LARP1: variants seen among roughly 807,000 people sequenced by gnomAD.
LARP1 encodes the protein la-related protein 1.
LARP1 carries 36 observed loss-of-function variants against 122.7 expected under a neutral mutation model. The observed-to-expected ratio is 0.29, with a 90% CI of 0.22 to 0.39. LARP1 has a LOEUF of 0.39. Ranked by LOEUF, LARP1 falls within the 10% of genes least tolerant of loss-of-function variation. The pLI is 1.00. For synonymous variants in LARP1, 539 were observed against 528.7 expected, an observed-to-expected ratio of 1.02 and a Z score of -0.27; for missense variants, 1,040 against 1,403.6, an observed-to-expected ratio of 0.74 and a Z score of 4.14.
chr5:154,790,705 G>C lies in LARP1; in HGVS notation c.559G>C (p.Val187Leu), dbSNP rs1266979758. 2.5e-6 allele frequency: 4 copies of C among 1,614,166 alleles called. No individual in the cohort carries two copies. In the South Asian group the frequency reaches 4.4e-5, roughly 18 times the overall value. Residue 187 changes from valine to leucine, a missense_variant, in exon 3 of 19, where the codon GTT becomes CTT. Around this residue, in one of 8 missense-constraint regions of LARP1, gnomAD observed 257 missense variants for 273.3 expected, o/e 0.94. Transcript: ENST00000518297. The stretch of plus-strand genomic sequence containing the variant: ...ACCTGGAGAGATAGCCCACAAGAGT[G>C]TTCAGGTGAGTCTGTGTGGAAGAAT... Reference protein sequence around the residue: ...PTPGEIAHKSVQPQSHKPQPT... With the variant: ...PTPGEIAHKSLQPQSHKPQPT...
At chr5:154,767,461 A>G (rs1755044338) in intron 1 of LARP1, among the ~76,000 whole-genome samples, 1 of 152,162 alleles carries the variant, frequency 6.6e-6, no homozygotes, top group Non-Finnish European at 1.5e-5. Context: ...ACAGGAAGGT[A>G]GCCTACGTGA....
In LARP1 at chr5:154,768,917, C is replaced by G. The variant is rs148987450; in HGVS notation, c.436+12724C>G. Among the ~76,000 whole-genome samples the G allele has an allele frequency of 3.3e-3, 499 of 152,326 alleles. 4 individuals carry two copies. The highest frequency in any genetic ancestry group is 2.5e-3 in the Non-Finnish European group (172 of 68,034). On this transcript the variant is annotated intron_variant, in intron 1 of 18. Transcript: ENST00000518297. ...TATTTTTTTGCGTGATCTCAGCTCA[C>G]TGCAACCTCCGCCTGCTGAGTTCAA...
At chr5:154,780,999 G>A (rs776279102) in intron 1 of LARP1, among the ~76,000 whole-genome samples, 6 of 151,988 alleles carry the variant, frequency 3.9e-5, no homozygotes, top group Non-Finnish European at 8.8e-5. Flanking sequence ...GGAGGTGGAG[G>A]TGGCAGTGAG....
chr5:154,710,199 G>A (rs1222249259), upstream of LARP1, among the ~76,000 whole-genome samples: 1 of 152,162 alleles, frequency 6.6e-6, no homozygotes, highest in Non-Finnish European at 1.5e-5. Context: ...CCAGTCCATG[G>A]CCTGCGAGTT....
chr5:154,732,254 A>G (rs1276830410), intron 1 of LARP1, among the ~76,000 whole-genome samples: 3 of 152,152 alleles, frequency 2.0e-5, no homozygotes, highest in Non-Finnish European at 4.4e-5. Flanking sequence ...TATAGTCTGA[A>G]CAGAGCAAAG....
chr5:154,684,448 A>G (rs1753831811), intron 1 of LARP1, among the ~76,000 whole-genome samples: 1 of 152,084 alleles, frequency 6.6e-6, no homozygotes, highest in South Asian at 2.1e-4. Flanking sequence ...ACACACACAA[A>G]AAAATTGTAG....
At chr5:154,811,426 T>A in intron 17 of LARP1, 70 bp downstream of exon 17, 1 of 1,609,686 alleles carries the variant, frequency 6.2e-7, no homozygotes, top group East Asian at 2.2e-5. Flanking sequence ...TGGACCTGGG[T>A]CTTTCTGTGT....
rs747528919 is a variant in LARP1, at chr5:154,802,000, A to G, written c.1717-7A>G. ...ATTCCTTTTCCCCTTCGTCTGTCCT[A>G]TTTTAGAAGTCAGAGGAGTCCAGAT... On this transcript the variant is annotated splice_polypyrimidine_tract_variant and splice_region_variant and intron_variant, in intron 10 of 18. Coordinates refer to ENST00000518297, the MANE Select transcript of LARP1 (RefSeq NM_033551.3). 4.4e-6 allele frequency: 7 copies of G among 1,603,826 alleles called. No individual in the cohort carries two copies. In the South Asian group the frequency reaches 7.8e-5, roughly 18 times the overall value.
Position 154,716,223 on chromosome 5 carries a change from G to T in LARP1, c.205+3093G>T, listed in dbSNP as rs921762370. Among the ~76,000 whole-genome samples the T allele has an allele frequency of 2.0e-5, 3 of 152,134 alleles. No homozygotes were observed. In the East Asian group the frequency reaches 5.8e-4, roughly 29 times the overall value. ...CACCCTCTGCCTCCCGGGCTCAAGC[G>T]ATTCTTGTGCCTTAACATCTGTAGC... On this transcript the variant is annotated intron_variant, in intron 1 of 18. Transcript: ENST00000336314.
chr5:154,799,575 TTCTCC>T lies in LARP1; in HGVS notation c.1378-13_1378-9del. 1 of 1,612,716 alleles carries T rather than the reference TTCTCC, an allele frequency of 6.2e-7. No homozygotes were observed. Among genetic ancestry groups the T allele is most frequent in the Non-Finnish European group, 8.5e-7 (1 of 1,178,820 alleles). Reference sequence around the variant, plus strand: ...GATTTTCTTCTTAATCCCCTCTTCCTTCTCCTCCCCTTCAGGCCCTAAAGGACAGC... The same window carrying T: ...GATTTTCTTCTTAATCCCCTCTTCCTTCCCCTTCAGGCCCTAAAGGACAGC... On this transcript the variant is annotated splice_polypyrimidine_tract_variant and intron_variant, in intron 8 of 18. Coordinates refer to ENST00000518297, the MANE Select transcript of LARP1 (RefSeq NM_033551.3).
chr5:154,691,563 T>A (rs1157715333), intron 1 of LARP1, among the ~76,000 whole-genome samples: 1 of 152,168 alleles, frequency 6.6e-6, no homozygotes. Context: ...TGCCGTTCGT[T>A]GAAAAGGCTC....
intron 1 of LARP1, among the ~76,000 whole-genome samples, chr5:154,730,254 T>A (rs112912996): frequency 0.026 from 3,913 of 152,144 alleles, 162 homozygotes; most frequent in African/African-American, 0.09. Flanking sequence ...AGTGGTGCGA[T>A]CTCGGCTCAC....
In LARP1 at chr5:154,755,456, C is replaced by T. The variant is rs1383518626; in HGVS notation, c.-302C>T. ...GGGGAGGGAGGGACGGGACTAGAAGCCTGCCGGGCTCGGGGTGGGGGCGTC... is the reference window on the plus strand; with the variant it reads ...GGGGAGGGAGGGACGGGACTAGAAGTCTGCCGGGCTCGGGGTGGGGGCGTC... On this transcript the variant is annotated 5_prime_UTR_variant, in exon 1 of 19. Coordinates refer to ENST00000518297, the MANE Select transcript of LARP1 (RefSeq NM_033551.3). The T allele has an allele frequency of 1.9e-4, 146 of 763,924 alleles. No homozygotes were observed. Among genetic ancestry groups the T allele is most frequent in the Admixed American group, 3.8e-4 (6 of 15,964 alleles). The allele number at this position is 763,924 out of a possible 1,614,324, so 47.3% of individuals were successfully genotyped here.
chr5:154,702,190 T>G (rs2113251730), intron 1 of LARP1, among the ~76,000 whole-genome samples: 1 of 152,324 alleles, frequency 6.6e-6, no homozygotes, highest in South Asian at 2.1e-4. Context: ...CCCTCTCACC[T>G]GCATTCTGGC....
intron 1 of LARP1, among the ~76,000 whole-genome samples, chr5:154,686,946 G>A (rs909150153): frequency 6.6e-6 from 1 of 152,214 alleles, no homozygotes; most frequent in African/African-American, 2.4e-5. Context: ...TGGAAACCAA[G>A]GAAGCAGAGA....
At position 154,803,271 on chromosome 5, in the gene LARP1, C is replaced by T. The variant is rs757652982; in HGVS notation, c.2110-19C>T. 2 of 1,614,056 alleles carry T rather than the reference C, an allele frequency of 1.2e-6. No individual in the cohort carries two copies. Among genetic ancestry groups the T allele is most frequent in the East Asian group, 4.5e-5 (2 of 44,896 alleles). ...CTGCTTACTTACATCTTTCCCCACT[C>T]ATCTCATGACCTCTGCAGCAAGAAG... On this transcript the variant is annotated intron_variant, in intron 11 of 18. Transcript: ENST00000518297. The surrounding 1 kb of genome is among the most constrained non-coding windows in gnomAD (Gnocchi z 4.4).
At position 154,790,665 on chromosome 5, in the gene LARP1, A is replaced by C. The variant is rs1329137337; in HGVS notation, c.519A>C (p.Ala173=). The change falls in exon 3 of 19, where the codon GCA becomes GCC. Residue 173 remains alanine (A), a synonymous_variant. Transcript: ENST00000518297. The part of the protein sequence containing the change: ...KGSKVGDFGD[A]INWPTPGEIA... The stretch of plus-strand genomic sequence containing the variant: ...TGCAGGTTGGTGACTTTGGAGATGC[A>C]ATCAATTGGCCCACACCTGGAGAGA... The C allele has an allele frequency of 6.2e-7, 1 of 1,614,156 alleles. No individual in the cohort carries two copies. Among genetic ancestry groups the C allele is most frequent in the South Asian group, 1.1e-5 (1 of 91,088 alleles).
Position 154,802,309 on chromosome 5 carries a change from C to T in LARP1, c.2019C>T (p.Ala673=), listed in dbSNP as rs549761580. 14 of 1,614,184 alleles carry T rather than the reference C, an allele frequency of 8.7e-6. No homozygotes were observed. In the East Asian group the frequency reaches 8.9e-5, roughly 10 times the overall value. Reference sequence around the variant, plus strand: ...ACACCTCGCGTGCCAAGATGAGCGCCGAACTGGCCAAGGTCATTAATGATG... The same window carrying T: ...ACACCTCGCGTGCCAAGATGAGCGCTGAACTGGCCAAGGTCATTAATGATG... ...GNHTSRAKMS[A]ELAKVINDGL... is the part of the protein sequence containing the mutation. The change falls in exon 11 of 19, where the codon GCC becomes GCT. Residue 673 remains alanine, a synonymous_variant. Transcript: ENST00000518297. This position sits in a 1 kb window ranked among gnomAD's most constrained non-coding sequence, Gnocchi z 5.1.
intron 1 of LARP1, among the ~76,000 whole-genome samples, chr5:154,688,764 T>C (rs1166093409): frequency 6.6e-6 from 1 of 151,910 alleles, no homozygotes; most frequent in African/African-American, 2.4e-5. Context: ...AGGTTGAGGC[T>C]GCAGTGAGCC....
Sources: gnomAD v4.1 joint callset for allele counts (sites outside exome capture counted in the v4.1 genomes callset) on GRCh38, gnomAD v4.1.1 for gene constraint, gnomAD v4.1.1 regional missense constraint, Gnocchi (gnomAD v3.1) non-coding constraint, MANE v1.5 for transcripts, NCBI Gene and HGNC (gene_info 2026-07-23, HGNC 2026-07-21) for gene names.